The following RDX variants were observed in gnomAD, a reference collection of about 807,000 sequenced individuals.
The protein encoded by RDX is radixin.
RDX carries 32 observed loss-of-function variants against 83.7 expected under a neutral mutation model. The observed-to-expected ratio is 0.38, with a 90% CI of 0.29 to 0.51. The LOEUF (loss-of-function observed/expected upper bound fraction) is 0.51, where lower values mean the gene tolerates loss of function less well. RDX is among the 20% of genes least tolerant of loss of function. RDX has a pLI of 0.87. For missense variants in RDX, 600 were observed against 689.9 expected (o/e 0.87, Z 1.46); for synonymous variants, 229 against 222.7 (o/e 1.03, Z -0.25).
intron 1 of RDX, among the ~76,000 whole-genome samples, chr11:110,292,666 T>C (rs1861293109): frequency 6.6e-6 from 1 of 151,738 alleles, no homozygotes; most frequent in Non-Finnish European, 1.5e-5. Flanking sequence ...AAAAAAAACA[T>C]TTAAGGTCCT....
At chr11:110,218,749 A>G (rs577657439) in intron 14 of RDX, among the ~76,000 whole-genome samples, 1 of 152,276 alleles carries the variant, frequency 6.6e-6, no homozygotes, top group Non-Finnish European at 1.5e-5. Flanking sequence ...AAACTTTCCT[A>G]TCTTTGCCTC....
At position 110,236,520 on chromosome 11, in the gene RDX, T is replaced by G. The variant is rs1437574932; in HGVS notation, c.1252-329A>C. 4.0e-5 allele frequency: 11 copies of G among 274,670 alleles called. No individual in the cohort carries two copies. In the East Asian group the frequency reaches 1.0e-3, roughly 26 times the overall value. 17.0% of individuals were successfully genotyped at this position (274,670 alleles called of 1,614,324 possible). A position where few individuals can be genotyped will look rare whatever the true frequency, so the allele number is the denominator to read the frequency against. On this transcript the variant is annotated intron_variant, in intron 11 of 13. Coordinates refer to ENST00000645495, the MANE Select transcript of RDX (RefSeq NM_002906.4). ...TTGTTAAAGTCCACAAAAGATAAAATATTTATCTAATGCTATATACTTTAA... is the reference window on the plus strand; with the variant it reads ...TTGTTAAAGTCCACAAAAGATAAAAGATTTATCTAATGCTATATACTTTAA...
intron 9 of RDX, among the ~76,000 whole-genome samples, chr11:110,248,264 T>C (rs1368243628): frequency 1.3e-5 from 2 of 152,198 alleles, no homozygotes; most frequent in African/African-American, 2.4e-5. Flanking sequence ...ATAGTATTCA[T>C]GTGAAACCTA....
At chr11:110,284,892 T>C (rs907026489) in intron 1 of RDX, among the ~76,000 whole-genome samples, 2 of 152,188 alleles carry the variant, frequency 1.3e-5, no homozygotes, top group African/African-American at 4.8e-5. Flanking sequence ...TTTGTTAAGT[T>C]TCTAATTTTA....
intron 1 of RDX, among the ~76,000 whole-genome samples, chr11:110,282,716 C>T (rs1429044126): frequency 6.6e-6 from 1 of 152,212 alleles, no homozygotes. Context: ...TGGTGGCTCA[C>T]ACCTGTAATT....
chr11:110,183,824 G>A (rs1282367682), intron 15 of RDX, among the ~76,000 whole-genome samples: 1 of 152,220 alleles, frequency 6.6e-6, no homozygotes, highest in Non-Finnish European at 1.5e-5. Context: ...TTTCCCCAGA[G>A]TTGCAATTCA....
chr11:110,215,036 C>CA (rs1195888196), intron 14 of RDX, among the ~76,000 whole-genome samples: 1,758 of 125,700 alleles, frequency 0.014, 11 homozygotes, highest in Middle Eastern at 0.02. Flanking sequence ...GGAGACCTAA[C>CA]AAAAAAAAAA....
intron 15 of RDX, among the ~76,000 whole-genome samples, chr11:110,180,834 G>A (rs1021659103): frequency 2.6e-5 from 4 of 151,890 alleles, no homozygotes; most frequent in Non-Finnish European, 5.9e-5. Flanking sequence ...CCTTCTCAGT[G>A]AAGCCGTCCT....
At chr11:110,226,551 G>T (rs2134286038), downstream of RDX, among the ~76,000 whole-genome samples, 1 of 152,244 alleles carries the variant, frequency 6.6e-6, no homozygotes, top group South Asian at 2.1e-4. Context: ...GAGATGGATG[G>T]TGGTGATGGT....
intron 14 of RDX, among the ~76,000 whole-genome samples, chr11:110,215,414 T>TAAATAA (rs1864014237): frequency 6.9e-6 from 1 of 145,326 alleles, no homozygotes; most frequent in African/African-American, 2.6e-5. Flanking sequence ...ATAAATAAAA[T>TAAATAA]AATAATAATG....
chr11:110,232,178 ATAG>A (rs1864665270), intron 13 of RDX, 145 bp from the exon 14 acceptor site: 1 of 690,594 alleles, frequency 1.4e-6, no homozygotes, highest in Non-Finnish European at 2.5e-6. Flanking sequence ...TGTTTTAGTA[ATAG>A]TGGTGGCAGT....
chr11:110,194,792 A>T (rs1452790324), intron 15 of RDX, among the ~76,000 whole-genome samples: 1 of 152,182 alleles, frequency 6.6e-6, no homozygotes, highest in African/African-American at 2.4e-5. Flanking sequence ...TGTCTCTAAA[A>T]TAACTAGACT....
intron 1 of RDX, among the ~76,000 whole-genome samples, chr11:110,294,830 G>C (rs1861381167): frequency 6.6e-6 from 1 of 152,062 alleles, no homozygotes; most frequent in Non-Finnish European, 1.5e-5. Flanking sequence ...CCATGTGTGG[G>C]GATACAGGAG....
chr11:110,238,436 G>A (rs534212811), intron 10 of RDX, among the ~76,000 whole-genome samples: 1 of 152,284 alleles, frequency 6.6e-6, no homozygotes, highest in African/African-American at 2.4e-5. Context: ...TTTAAGCCCT[G>A]TGACAGAAGA....
Position 110,198,759 on chromosome 11 carries a change from G to A in RDX, c.*31+822C>T, listed in dbSNP as rs552266781. ...CAGTCCTTGGTGCAAAAAGGTTGGG[G>A]GCCACTGTTCTACTCAATGTGCATG... On this transcript the variant is annotated intron_variant, in intron 15 of 15. Transcript: ENST00000528498. Among the ~76,000 whole-genome samples, 7 of 151,922 alleles carry A rather than the reference G, an allele frequency of 4.6e-5. No homozygotes were observed. In the South Asian group the frequency reaches 1.5e-3, roughly 32 times the overall value.
intron 3 of RDX, among the ~76,000 whole-genome samples, chr11:110,270,757 C>A (rs1860271869): frequency 6.6e-6 from 1 of 152,186 alleles, no homozygotes; most frequent in African/African-American, 2.4e-5. Context: ...GTTTCATTTT[C>A]CTGTATCCAA....
intron 5 of RDX, among the ~76,000 whole-genome samples, chr11:110,259,703 C>T (rs1048365705): frequency 6.6e-6 from 1 of 152,198 alleles, no homozygotes; most frequent in East Asian, 1.9e-4. Context: ...TCTGGGCTCA[C>T]AGAGAGGCAT....
intron 15 of RDX, among the ~76,000 whole-genome samples, chr11:110,192,845 T>C (rs1373375846): frequency 2.4e-5 from 3 of 125,498 alleles, no homozygotes; most frequent in African/African-American, 2.8e-5. Context: ...GTGGTTAGTA[T>C]TGAAAAGTCA....
intron 1 of RDX, among the ~76,000 whole-genome samples, chr11:110,284,145 G>T (rs1009466157): frequency 3.3e-5 from 5 of 152,192 alleles, no homozygotes; most frequent in Non-Finnish European, 7.3e-5. Flanking sequence ...AGTATTGTAG[G>T]TATCACCAGA....
Sources: allele counts gnomAD v4.1 joint callset (sites outside exome capture counted in the v4.1 genomes callset), GRCh38; gene constraint gnomAD v4.1.1; transcripts MANE v1.5; gene names NCBI Gene and HGNC (gene_info 2026-07-23, HGNC 2026-07-21).